SMAD1: variants seen among roughly 807,000 people sequenced by gnomAD.
The protein encoded by SMAD1 is MAD, mothers against decapentaplegic homolog 1.
A neutral mutation model predicts 41.6 loss-of-function variants in SMAD1; 6 were observed. That is an observed-to-expected ratio of 0.14 (90% confidence interval 0.08 to 0.28). The LOEUF (loss-of-function observed/expected upper bound fraction) is 0.28, where lower values mean the gene tolerates loss of function less well. Among genes scored for constraint, SMAD1 ranks in the 10% least tolerant of loss-of-function variants. The pLI is 1.00. For missense variants in SMAD1, 379 were observed against 582.6 expected (o/e 0.65, Z 3.60); for synonymous variants, 206 against 203.2 (o/e 1.01, Z -0.12).
Position 145,546,683 on chromosome 4 carries a change from T to C in SMAD1, c.776-20T>C, listed in dbSNP as rs751359471. 12 of 1,584,562 alleles carry C rather than the reference T, an allele frequency of 7.6e-6. No homozygotes were observed. In the African/African-American group the frequency reaches 8.1e-5, roughly 11 times the overall value. Reference sequence around the variant, plus strand: ...CCTGAGGCACTAACCTTGGTTGATATAACATTTTCTTTCCTCTAGATGTTC... The same window carrying C: ...CCTGAGGCACTAACCTTGGTTGATACAACATTTTCTTTCCTCTAGATGTTC... On this transcript the variant is annotated intron_variant, in intron 4 of 6. Coordinates refer to ENST00000302085, the MANE Select transcript of SMAD1 (RefSeq NM_005900.3).
At chr4:145,545,436 T>A (rs1255893104) in intron 4 of SMAD1, 2 of 152,212 alleles carry the variant, frequency 1.3e-5, no homozygotes, top group Non-Finnish European at 2.9e-5. Context: ...TATAGCAAAT[T>A]GATGTGGTAG....
chr4:145,497,322 A>G (rs778004525), intron 1 of SMAD1: 1 of 152,164 alleles, frequency 6.6e-6, no homozygotes, highest in Non-Finnish European at 1.5e-5. Flanking sequence ...TGTAGCACAG[A>G]CTGTAGGTCG....
chr4:145,536,753 A>C (rs1731636598), intron 2 of SMAD1, among the ~76,000 whole-genome samples: 1 of 152,220 alleles, frequency 6.6e-6, no homozygotes, highest in South Asian at 2.1e-4. Flanking sequence ...ATATTTACAC[A>C]GTCTCGTGGT....
chr4:145,541,836 A>G (rs530406506), intron 3 of SMAD1, among the ~76,000 whole-genome samples: 1 of 152,368 alleles, frequency 6.6e-6, no homozygotes, highest in East Asian at 1.9e-4. Flanking sequence ...TTGGATGGAA[A>G]AGGATTATTT....
chr4:145,529,326 A>G (rs1731201633), intron 2 of SMAD1, among the ~76,000 whole-genome samples: 1 of 152,184 alleles, frequency 6.6e-6, no homozygotes, highest in Admixed American at 6.5e-5. Context: ...CTGTGGAAGT[A>G]AAGCAGATAA....
chr4:145,500,705 G>T (rs1729390366), intron 1 of SMAD1, among the ~76,000 whole-genome samples: 1 of 152,134 alleles, frequency 6.6e-6, no homozygotes, highest in Non-Finnish European at 1.5e-5. Context: ...TTGAATAACT[G>T]TAGTGGTTAC....
chr4:145,510,191 A>C (rs1329149866), intron 1 of SMAD1, among the ~76,000 whole-genome samples: 1 of 152,000 alleles, frequency 6.6e-6, no homozygotes, highest in Admixed American at 6.6e-5. Flanking sequence ...TTTATTTATC[A>C]GTTTTGCTAG....
At chr4:145,519,518 G>T (rs1730618567) in intron 2 of SMAD1, among the ~76,000 whole-genome samples, 1 of 150,530 alleles carries the variant, frequency 6.6e-6, no homozygotes, top group South Asian at 2.1e-4. Flanking sequence ...AGCGAGGCAT[G>T]GTGGCATGTG....
At chr4:145,505,246 TCAAA>T (rs1729699454) in intron 1 of SMAD1, among the ~76,000 whole-genome samples, 1 of 152,156 alleles carries the variant, frequency 6.6e-6, no homozygotes, top group African/African-American at 2.4e-5. Context: ...TTTAAGCATC[TCAAA>T]CAAGGCAAGA....
At chr4:145,495,412 A>G (rs1485597056) in intron 1 of SMAD1, among the ~76,000 whole-genome samples, 1 of 152,164 alleles carries the variant, frequency 6.6e-6, no homozygotes, top group East Asian at 1.9e-4. Flanking sequence ...ACAACTGTGT[A>G]TTAGGTGTTG....
At position 145,514,193 on chromosome 4, in the gene SMAD1, A is replaced by C. The variant is rs561913306; in HGVS notation, c.-176-245A>C. On this transcript the variant is annotated intron_variant, in intron 1 of 6. Transcript: ENST00000302085. This position sits in a 1 kb window ranked among gnomAD's most constrained non-coding sequence, Gnocchi z 4.7. ...TAGCAATCTTAAGACCACCAGTCCT[A>C]TCAGGTTAGGGCCCCACCCTGATGA... 6.6e-6 allele frequency among the ~76,000 whole-genome samples: 1 copy of C among 150,988 alleles called. No homozygotes were observed. Among genetic ancestry groups the C allele is most frequent in the East Asian group, 1.9e-4 (1 of 5,160 alleles).
intron 2 of SMAD1, among the ~76,000 whole-genome samples, chr4:145,531,782 A>G (rs1731331897): frequency 6.6e-6 from 1 of 151,272 alleles, no homozygotes; most frequent in Non-Finnish European, 1.5e-5. Context: ...ACTAGAAAGC[A>G]TTTCTGTACT....
At chr4:145,540,506 C>G (rs1374763453) in intron 3 of SMAD1, among the ~76,000 whole-genome samples, 1 of 152,192 alleles carries the variant, frequency 6.6e-6, no homozygotes, top group Non-Finnish European at 1.5e-5. Flanking sequence ...CCACCCCCTA[C>G]TTAATTAAAT....
chr4:145,501,115 T>C (rs925302955), intron 1 of SMAD1, among the ~76,000 whole-genome samples: 1 of 152,232 alleles, frequency 6.6e-6, no homozygotes, highest in Non-Finnish European at 1.5e-5. Context: ...TGTGCCCCAA[T>C]TTCTCATTCT....
chr4:145,539,255 C>T (rs771484120), intron 2 of SMAD1, among the ~76,000 whole-genome samples: 2 of 152,198 alleles, frequency 1.3e-5, no homozygotes, highest in Non-Finnish European at 2.9e-5. Flanking sequence ...GTATAATTAA[C>T]TATCTTCATG....
chr4:145,557,676 G>A, intron 6 of SMAD1, 115 bp from the exon 7 acceptor site: 3 of 735,612 alleles, frequency 4.1e-6, no homozygotes, highest in Non-Finnish European at 6.3e-6. Context: ...GGGGGGGTCA[G>A]GGAGGAAAGA....
At chr4:145,487,735 T>C (rs1355483656) in intron 1 of SMAD1, among the ~76,000 whole-genome samples, 9 of 152,238 alleles carry the variant, frequency 5.9e-5, no homozygotes, top group Admixed American at 5.9e-4. Context: ...CTCTGCGTTA[T>C]TAAGATGGTG....
intron 2 of SMAD1, among the ~76,000 whole-genome samples, chr4:145,538,627 T>G (rs1374649591): frequency 2.6e-5 from 4 of 152,216 alleles, no homozygotes; most frequent in South Asian, 4.1e-4. Flanking sequence ...AAAAGTCTGC[T>G]AAATTCCTGT....
chr4:145,494,311 T>C (rs767845892), intron 1 of SMAD1, among the ~76,000 whole-genome samples: 4 of 152,208 alleles, frequency 2.6e-5, no homozygotes, highest in Non-Finnish European at 5.9e-5. Flanking sequence ...TATTTATGCT[T>C]ATGTTCATAG....
Sources: allele counts gnomAD v4.1 joint callset (sites outside exome capture counted in the v4.1 genomes callset), GRCh38; gene constraint gnomAD v4.1.1; non-coding constraint Gnocchi (gnomAD v3.1); transcripts MANE v1.5; gene names NCBI Gene and HGNC (gene_info 2026-07-23, HGNC 2026-07-21).